PTPRD: variants seen among roughly 807,000 people sequenced by gnomAD.
The protein encoded by PTPRD is receptor-type tyrosine-protein phosphatase delta.
In PTPRD, 34 loss-of-function variants were observed where a neutral mutation model predicts 214.5. The ratio of observed to expected loss-of-function variants is 0.16; its 90% CI spans 0.12 to 0.21. The LOEUF (loss-of-function observed/expected upper bound fraction) is 0.21, where lower values mean the gene tolerates loss of function less well. Among genes scored for constraint, PTPRD ranks in the 10% least tolerant of loss-of-function variants. PTPRD has a pLI of 1.00. For missense variants in PTPRD, 2,545 were observed against 2,398.7 expected, an observed-to-expected ratio of 1.06 and a Z score of -1.27; for synonymous variants, 1,128 against 845.7, an observed-to-expected ratio of 1.33 and a Z score of -5.79.
chr9:8,887,866 A>T (rs2098504720), intron 11 of PTPRD, among the ~76,000 whole-genome samples: 1 of 152,238 alleles, frequency 6.6e-6, no homozygotes, highest in South Asian at 2.1e-4. Context: ...GTATGCAAAC[A>T]CATCAGCGCT....
intron 14 of PTPRD, among the ~76,000 whole-genome samples, chr9:8,562,684 G>A (rs1186878829): frequency 6.6e-6 from 1 of 151,970 alleles, no homozygotes; most frequent in African/African-American, 2.4e-5. Context: ...TGATCCACCC[G>A]CCTCGGCCTC....
intron 3 of PTPRD, among the ~76,000 whole-genome samples, chr9:10,181,993 C>T (rs1201343617): frequency 2.8e-5 from 4 of 142,056 alleles, no homozygotes; most frequent in East Asian, 2.1e-4. Flanking sequence ...CAGTGGCTCA[C>T]GCCTGTAATC....
chr9:9,408,100 G>A (rs769616385), intron 8 of PTPRD, among the ~76,000 whole-genome samples: 1 of 151,724 alleles, frequency 6.6e-6, no homozygotes, highest in Non-Finnish European at 1.5e-5. Context: ...AAGTAACATT[G>A]GCAGTAGAGA....
intron 2 of PTPRD, among the ~76,000 whole-genome samples, chr9:10,509,664 G>T (rs1468850161): frequency 6.8e-6 from 1 of 148,108 alleles, no homozygotes; most frequent in Non-Finnish European, 1.5e-5. Flanking sequence ...ACCTTGCATT[G>T]TCTCTACTGC....
At chr9:9,817,622 T>G (rs1396191404) in intron 5 of PTPRD, among the ~76,000 whole-genome samples, 2 of 152,212 alleles carry the variant, frequency 1.3e-5, no homozygotes, top group African/African-American at 2.4e-5. Context: ...TAATTTTGTT[T>G]CTTTCATCTT....
At chr9:8,457,429 T>G (rs990801049) in intron 33 of PTPRD, among the ~76,000 whole-genome samples, 4 of 152,160 alleles carry the variant, frequency 2.6e-5, no homozygotes, top group Non-Finnish European at 5.9e-5. Context: ...GAGGGTATTT[T>G]AGGGATCTTA....
intron 7 of PTPRD, among the ~76,000 whole-genome samples, chr9:9,662,407 A>G (rs925066100): frequency 4.6e-5 from 7 of 151,684 alleles, no homozygotes; most frequent in African/African-American, 1.7e-4. Flanking sequence ...CATAACTGCT[A>G]TAACAGCAAG....
At chr9:9,705,482 T>C (rs978540652) in intron 7 of PTPRD, among the ~76,000 whole-genome samples, 1 of 152,082 alleles carries the variant, frequency 6.6e-6, no homozygotes, top group African/African-American at 2.4e-5. Context: ...TTCTATTTTA[T>C]TTTACATTTA....
At chr9:10,586,566 G>A (rs1370031350) in intron 2 of PTPRD, among the ~76,000 whole-genome samples, 3 of 152,042 alleles carry the variant, frequency 2.0e-5, no homozygotes, top group Non-Finnish European at 4.4e-5. Context: ...AAATGACAAC[G>A]ATAGTAAGAA....
At chr9:8,860,002 C>G (rs2098069662) in intron 11 of PTPRD, 1 of 152,186 alleles carries the variant, frequency 6.6e-6, no homozygotes, top group Non-Finnish European at 1.5e-5. Flanking sequence ...CCCCTGTGAC[C>G]TAAGGATGGA....
chr9:8,916,253 A>T (rs1470121764), intron 11 of PTPRD, among the ~76,000 whole-genome samples: 2 of 152,144 alleles, frequency 1.3e-5, no homozygotes, highest in Non-Finnish European at 2.9e-5. Context: ...AGAGGGAAGG[A>T]AGAAGGGGGT....
chr9:10,152,182 A>G (rs1160345475), intron 3 of PTPRD, among the ~76,000 whole-genome samples: 1 of 152,204 alleles, frequency 6.6e-6, no homozygotes, highest in South Asian at 2.1e-4. Flanking sequence ...TACTGTTGGC[A>G]TCATTTAGCA....
At chr9:9,019,647 G>A (rs566371795) in intron 10 of PTPRD, among the ~76,000 whole-genome samples, 152 of 152,206 alleles carry the variant, frequency 1.0e-3, no homozygotes, top group Non-Finnish European at 1.8e-3. Flanking sequence ...CGGAGGTTGC[G>A]GTGAGCCAAG....
chr9:8,577,596 C>T (rs537865738), intron 14 of PTPRD, among the ~76,000 whole-genome samples: 1 of 152,230 alleles, frequency 6.6e-6, no homozygotes, highest in South Asian at 2.1e-4. Context: ...CCAAGAGATC[C>T]TTCAAGACTT....
intron 2 of PTPRD, among the ~76,000 whole-genome samples, chr9:10,576,708 G>A (rs1045739268): frequency 1.3e-5 from 2 of 152,126 alleles, no homozygotes; most frequent in Non-Finnish European, 2.9e-5. Context: ...AAAATCAACA[G>A]AGGATTCAAT....
intron 12 of PTPRD, among the ~76,000 whole-genome samples, chr9:8,708,793 C>A (rs754128191): frequency 6.6e-6 from 1 of 151,488 alleles, no homozygotes; most frequent in Non-Finnish European, 1.5e-5. Flanking sequence ...TGTGTACATT[C>A]CCCTGTTTAT....
chr9:8,695,300 G>A (rs2097888187), intron 12 of PTPRD, among the ~76,000 whole-genome samples: 1 of 152,126 alleles, frequency 6.6e-6, no homozygotes, highest in Admixed American at 6.5e-5. Context: ...TGAATCACAT[G>A]GCCATGTTTA....
chr9:8,892,996 G>C (rs557430973), intron 11 of PTPRD, among the ~76,000 whole-genome samples: 1 of 152,206 alleles, frequency 6.6e-6, no homozygotes, highest in East Asian at 1.9e-4. Flanking sequence ...TGGAATAGTT[G>C]AATCCAACTA....
chr9:9,502,483 T>G (rs1227531202), intron 8 of PTPRD, among the ~76,000 whole-genome samples: 2 of 151,936 alleles, frequency 1.3e-5, no homozygotes, highest in African/African-American at 4.8e-5. Context: ...CATACGTATA[T>G]GTATTTCTGT....
Sources: gnomAD v4.1 joint callset for allele counts (sites outside exome capture counted in the v4.1 genomes callset) on GRCh38, gnomAD v4.1.1 for gene constraint, MANE v1.5 for transcripts, NCBI Gene and HGNC (gene_info 2026-07-23, HGNC 2026-07-21) for gene names.